Variants in EXOC2 observed in about 807,000 individuals in gnomAD.
EXOC2 encodes exocyst complex component 2.
A neutral mutation model predicts 131.8 loss-of-function variants in EXOC2; 70 were observed. The ratio of observed to expected loss-of-function variants is 0.53; its 90% CI spans 0.44 to 0.65. The LOEUF (loss-of-function observed/expected upper bound fraction) is 0.65. EXOC2 is among the 30% of genes least tolerant of loss of function. EXOC2 has a pLI of 0.00. For missense variants in EXOC2, 923 were observed against 1,108.6 expected (o/e 0.83, Z 2.38); for synonymous variants, 411 against 398.4 (o/e 1.03, Z -0.38).
chr6:613,620 C>T (rs1760827643), intron 6 of EXOC2, among the ~76,000 whole-genome samples: 1 of 152,202 alleles, frequency 6.6e-6, no homozygotes, highest in South Asian at 2.1e-4. Flanking sequence ...CTTAACCACA[C>T]AGCTCGTTTC....
Position 486,784 on chromosome 6 carries a change from G to GT in EXOC2, c.2682-21dup. ...AGTAACCTGCAGGACGGAGACACTT[G>GT]TTTTACAGCCCGACAGATGGGGCGG... On this transcript the variant is annotated intron_variant, in intron 27 of 27. Coordinates refer to ENST00000230449, the MANE Select transcript of EXOC2 (RefSeq NM_018303.6). The GT allele has an allele frequency of 6.2e-7, 1 of 1,602,432 alleles. No individual in the cohort carries two copies. Among genetic ancestry groups the GT allele is most frequent in the Non-Finnish European group, 8.5e-7 (1 of 1,170,312 alleles).
chr6:526,510 G>A (rs1222723199), intron 23 of EXOC2, among the ~76,000 whole-genome samples: 2 of 142,782 alleles, frequency 1.4e-5, no homozygotes, highest in Admixed American at 7.5e-5. Flanking sequence ...GCGTAATCTC[G>A]GCTCACGGCA....
At chr6:691,923 T>C (rs1276098321) in intron 1 of EXOC2, among the ~76,000 whole-genome samples, 2 of 152,218 alleles carry the variant, frequency 1.3e-5, no homozygotes, top group African/African-American at 4.8e-5. Flanking sequence ...TTTCTATTAC[T>C]ACTCTGGGAA....
At chr6:536,369 A>C (rs1384543879) in intron 22 of EXOC2, among the ~76,000 whole-genome samples, 1 of 152,188 alleles carries the variant, frequency 6.6e-6, no homozygotes, top group Non-Finnish European at 1.5e-5. Flanking sequence ...AATACCATAA[A>C]AAATAAAATA....
At chr6:636,483 A>G (rs1218443880) in intron 2 of EXOC2, among the ~76,000 whole-genome samples, 1 of 152,204 alleles carries the variant, frequency 6.6e-6, no homozygotes, top group African/African-American at 2.4e-5. Context: ...ACACTAGCAA[A>G]AAGAATTGGC....
At chr6:548,933 T>G (rs1757001079) in intron 22 of EXOC2, among the ~76,000 whole-genome samples, 1 of 152,184 alleles carries the variant, frequency 6.6e-6, no homozygotes, top group African/African-American at 2.4e-5. Flanking sequence ...AAACCAGCTG[T>G]AACCTTGAGG....
chr6:692,236 T>C (rs1159824381), intron 1 of EXOC2, among the ~76,000 whole-genome samples: 2 of 152,256 alleles, frequency 1.3e-5, no homozygotes, highest in Non-Finnish European at 2.9e-5. Flanking sequence ...CTCAGACTTA[T>C]TAGTATGTTG....
intron 6 of EXOC2, among the ~76,000 whole-genome samples, chr6:616,266 A>G (rs566902162): frequency 6.6e-6 from 1 of 152,286 alleles, no homozygotes; most frequent in South Asian, 2.1e-4. Context: ...AAGAGCACCT[A>G]CCTTCTCTGT....
intron 24 of EXOC2, among the ~76,000 whole-genome samples, chr6:498,353 A>G (rs538749652): frequency 6.6e-6 from 1 of 152,246 alleles, no homozygotes; most frequent in African/African-American, 2.4e-5. Flanking sequence ...CACAGATCTC[A>G]CAGTTCTGCC....
intron 11 of EXOC2, among the ~76,000 whole-genome samples, chr6:578,107 C>A (rs1338816409): frequency 6.6e-6 from 1 of 152,122 alleles, no homozygotes; most frequent in African/African-American, 2.4e-5. Flanking sequence ...GTCATTGGAC[C>A]TTCCACAAAT....
chr6:646,723 GT>G (rs755437222), intron 1 of EXOC2, among the ~76,000 whole-genome samples: 38 of 152,238 alleles, frequency 2.5e-4, no homozygotes, highest in Admixed American at 6.5e-4. Flanking sequence ...ATATAAAATT[GT>G]ATGTTTCAGA....
chr6:641,109 G>C (rs1191899415), intron 1 of EXOC2, among the ~76,000 whole-genome samples: 4 of 152,166 alleles, frequency 2.6e-5, no homozygotes, highest in Non-Finnish European at 5.9e-5. Context: ...ACAAAAGGCG[G>C]ATGTGTGTTT....
At chr6:637,933 G>T in intron 1 of EXOC2, 72 bp from the exon 2 acceptor site, 1 of 966,520 alleles carries the variant, frequency 1.0e-6, no homozygotes, top group Non-Finnish European at 1.6e-6. Flanking sequence ...AAGAATGCTA[G>T]ACAGTCAGTA....
intron 21 of EXOC2, among the ~76,000 whole-genome samples, chr6:552,229 A>G (rs1757182757): frequency 6.6e-6 from 1 of 152,210 alleles, no homozygotes; most frequent in Non-Finnish European, 1.5e-5. Flanking sequence ...AGGCCCCCTC[A>G]CTGCCGACAT....
At chr6:629,764 CT>C in intron 4 of EXOC2, 70 bp downstream of exon 4, 1 of 1,564,702 alleles carries the variant, frequency 6.4e-7, no homozygotes, top group Non-Finnish European at 8.7e-7. Context: ...GTTTGAGTCC[CT>C]TTCCTGTAAG....
At chr6:525,353 G>A (rs1561815625) in intron 23 of EXOC2, 1 of 152,294 alleles carries the variant, frequency 6.6e-6, no homozygotes, top group South Asian at 2.1e-4. Flanking sequence ...ATTTTCAAAT[G>A]TCTAATAAAA....
At chr6:639,796 G>A (rs1296928669) in intron 1 of EXOC2, among the ~76,000 whole-genome samples, 2 of 152,190 alleles carry the variant, frequency 1.3e-5, no homozygotes, top group Admixed American at 1.3e-4. Flanking sequence ...GCCCTCTAAA[G>A]GGTCGCTGGA....
At chr6:487,566 C>G (rs1407685109) in intron 27 of EXOC2, among the ~76,000 whole-genome samples, 1 of 152,094 alleles carries the variant, frequency 6.6e-6, no homozygotes, top group African/African-American at 2.4e-5. Context: ...GCCACCACAC[C>G]CGGCTAATTT....
chr6:564,331 G>A (rs912618673), intron 15 of EXOC2, among the ~76,000 whole-genome samples, 177 bp from the exon 16 acceptor site: 3 of 152,096 alleles, frequency 2.0e-5, no homozygotes, highest in African/African-American at 7.2e-5. Context: ...GTGAAACAAC[G>A]GAGAAGATGC....
Sources: allele counts gnomAD v4.1 joint callset (sites outside exome capture counted in the v4.1 genomes callset), GRCh38; gene constraint gnomAD v4.1.1; transcripts MANE v1.5; gene names NCBI Gene and HGNC (gene_info 2026-07-23, HGNC 2026-07-21).